Variants in FOXP2 observed in about 807,000 individuals in gnomAD.
FOXP2 encodes the protein forkhead box protein P2.
In FOXP2, 12 loss-of-function variants were observed where a neutral mutation model predicts 115.8. The observed-to-expected ratio is 0.10, with a 90% CI of 0.07 to 0.17. The LOEUF (loss-of-function observed/expected upper bound fraction) is 0.17. Ranked by LOEUF, FOXP2 falls within the 10% of genes least tolerant of loss-of-function variation. The probability of loss-of-function intolerance (pLI) is 1.00; values close to 1 mark genes in which losing one functional copy is unlikely to be tolerated. For missense variants in FOXP2, 629 were observed against 843.5 expected, an observed-to-expected ratio of 0.75 and a Z score of 3.15; for synonymous variants, 328 against 297.7, an observed-to-expected ratio of 1.10 and a Z score of -1.05.
At chr7:114,154,619 T>C (rs888515949) in intron 1 of FOXP2, among the ~76,000 whole-genome samples, 7 of 152,144 alleles carry the variant, frequency 4.6e-5, no homozygotes, top group African/African-American at 1.4e-4. Flanking sequence ...TAAAAAGCAT[T>C]GTCTGTGGAC....
At chr7:114,518,081 A>G (rs1196793854) in intron 2 of FOXP2, among the ~76,000 whole-genome samples, 1 of 152,118 alleles carries the variant, frequency 6.6e-6, no homozygotes, top group African/African-American at 2.4e-5. Context: ...TTTGGTGACT[A>G]TTATAAACAA....
chr7:114,231,004 AC>A (rs1794861320), intron 1 of FOXP2, among the ~76,000 whole-genome samples: 1 of 151,516 alleles, frequency 6.6e-6, no homozygotes, highest in Non-Finnish European at 1.5e-5. Context: ...ACACACACAC[AC>A]AAATCCCCAT....
chr7:114,234,551 A>T (rs1325675325), intron 1 of FOXP2, among the ~76,000 whole-genome samples: 2 of 152,220 alleles, frequency 1.3e-5, no homozygotes, highest in African/African-American at 4.8e-5. Flanking sequence ...TTACGACATG[A>T]ATTACTTGGA....
At chr7:114,586,224 G>C (rs138030142) in intron 3 of FOXP2, among the ~76,000 whole-genome samples, 1 of 152,078 alleles carries the variant, frequency 6.6e-6, no homozygotes, top group Non-Finnish European at 1.5e-5. Flanking sequence ...ATACTATTAA[G>C]AACTTAATAG....
chr7:114,509,339 A>G (rs1410857006), intron 2 of FOXP2, among the ~76,000 whole-genome samples: 2 of 151,798 alleles, frequency 1.3e-5, no homozygotes, highest in East Asian at 1.9e-4. Flanking sequence ...CTGGAGTGCA[A>G]TAAGTTTTAA....
At chr7:114,170,199 TA>T (rs1177815090) in intron 1 of FOXP2, among the ~76,000 whole-genome samples, 1 of 152,212 alleles carries the variant, frequency 6.6e-6, no homozygotes, top group Admixed American at 6.5e-5. Context: ...TTGATGTTAC[TA>T]TTATAATTGT....
chr7:114,615,971 T>C (rs1584954606), intron 3 of FOXP2, among the ~76,000 whole-genome samples: 1 of 152,200 alleles, frequency 6.6e-6, no homozygotes, highest in South Asian at 2.1e-4. Flanking sequence ...TAACACCTTC[T>C]TTATTTCTTT....
upstream of FOXP2, among the ~76,000 whole-genome samples, chr7:114,413,114 G>A (rs1793205494): frequency 6.6e-6 from 1 of 152,064 alleles, no homozygotes; most frequent in Non-Finnish European, 1.5e-5. Flanking sequence ...TTTAGTGAAT[G>A]TAAACAGATT....
At chr7:114,277,822 C>CT (rs2129174285) in intron 1 of FOXP2, among the ~76,000 whole-genome samples, 1 of 151,596 alleles carries the variant, frequency 6.6e-6, no homozygotes, top group South Asian at 2.1e-4. Context: ...GGAGACCAGC[C>CT]TAGTCAACAT....
At chr7:114,161,724 G>A (rs1161983453), upstream of FOXP2, among the ~76,000 whole-genome samples, 2 of 152,024 alleles carry the variant, frequency 1.3e-5, no homozygotes. Context: ...GGGAGTATGA[G>A]TGACTTCAAG....
At chr7:114,672,838 A>G (rs749633245) in intron 16 of FOXP2, among the ~76,000 whole-genome samples, 25 of 152,164 alleles carry the variant, frequency 1.6e-4, no homozygotes, top group Non-Finnish European at 2.9e-4. Context: ...CTTCACCAGG[A>G]GCCAGCAGCG....
At chr7:114,521,018 GA>G (rs1303688832) in intron 2 of FOXP2, among the ~76,000 whole-genome samples, 5 of 152,168 alleles carry the variant, frequency 3.3e-5, no homozygotes, top group African/African-American at 1.2e-4. Flanking sequence ...ATCAGAAGAG[GA>G]TTGTATTAAA....
At chr7:114,445,782 G>T (rs562982715) in intron 2 of FOXP2, among the ~76,000 whole-genome samples, 36 of 151,988 alleles carry the variant, frequency 2.4e-4, no homozygotes, top group Non-Finnish European at 4.4e-4. Context: ...TTCTACATAT[G>T]TATTGATGTA....
intron 1 of FOXP2, among the ~76,000 whole-genome samples, chr7:114,239,677 A>C (rs1795102681): frequency 6.6e-6 from 1 of 152,198 alleles, no homozygotes. Context: ...AGGCATAAAC[A>C]AATAGTTAAA....
intron 1 of FOXP2, among the ~76,000 whole-genome samples, chr7:114,143,920 T>A (rs1267602970): frequency 6.6e-6 from 1 of 152,074 alleles, no homozygotes; most frequent in Non-Finnish European, 1.5e-5. Context: ...TATGAAACCA[T>A]CCCTGACTTA....
At chr7:114,310,696 G>C (rs1797128372) in intron 2 of FOXP2, among the ~76,000 whole-genome samples, 1 of 152,056 alleles carries the variant, frequency 6.6e-6, no homozygotes, top group Non-Finnish European at 1.5e-5. Flanking sequence ...CCTGGGAGAA[G>C]TTAGGGAGGT....
At chr7:114,596,562 A>G (rs1471747161) in intron 3 of FOXP2, among the ~76,000 whole-genome samples, 4 of 152,150 alleles carry the variant, frequency 2.6e-5, no homozygotes, top group African/African-American at 9.6e-5. Context: ...AATATAATTT[A>G]TGTTAAATAC....
chr7:114,114,080 G>A lies in FOXP2; in HGVS notation c.-247+26242G>A, dbSNP rs549762458. Among the ~76,000 whole-genome samples the A allele has an allele frequency of 1.1e-4, 17 of 151,802 alleles. No individual in the cohort carries two copies. In the South Asian group the frequency reaches 3.3e-3, roughly 30 times the overall value. On this transcript the variant is annotated intron_variant, in intron 1 of 19. Transcript: ENST00000635638. The stretch of plus-strand genomic sequence containing the variant: ...AAAATAAAATAAAACAAAAATGAAG[G>A]AAAACATGATTCAGTATAGAAAGTC...
intron 2 of FOXP2, among the ~76,000 whole-genome samples, chr7:114,528,626 A>G (rs1281688480): frequency 6.6e-6 from 1 of 152,038 alleles, no homozygotes; most frequent in Non-Finnish European, 1.5e-5. Flanking sequence ...AGAGGATTCA[A>G]ATAATAGTTT....
Sources: allele counts gnomAD v4.1 joint callset (sites outside exome capture counted in the v4.1 genomes callset), GRCh38; gene constraint gnomAD v4.1.1; transcripts MANE v1.5; gene names NCBI Gene and HGNC (gene_info 2026-07-23, HGNC 2026-07-21).